Variants in EIF3B observed in about 807,000 individuals in gnomAD.
The protein encoded by EIF3B is eukaryotic translation initiation factor 3 subunit B.
Under a neutral mutation model 104.6 loss-of-function variants are expected in EIF3B, and 10 were observed. The observed-to-expected ratio is 0.10, with a 90% CI of 0.06 to 0.16. The LOEUF (loss-of-function observed/expected upper bound fraction) is 0.16, where lower values mean the gene tolerates loss of function less well. Among genes scored for constraint, EIF3B ranks in the 10% least tolerant of loss-of-function variants. The pLI is 1.00. For synonymous variants in EIF3B, 542 were observed against 417.2 expected, an observed-to-expected ratio of 1.30 and a Z score of -3.65; for missense variants, 1,014 against 1,087.9, an observed-to-expected ratio of 0.93 and a Z score of 0.96.
At chr7:2,370,847 G>A (rs4721651) in intron 10 of EIF3B, among the ~76,000 whole-genome samples, 46,651 of 152,002 alleles carry the variant, frequency 0.31, 8,907 homozygotes, top group African/African-American at 0.55. Flanking sequence ...AGGCTGAGGC[G>A]GGGCATCACA....
Position 2,380,213 on chromosome 7 carries a change from T to A in EIF3B, c.*24T>A. On this transcript the variant is annotated 3_prime_UTR_variant, in exon 19 of 19. Coordinates refer to ENST00000360876, the MANE Select transcript of EIF3B (RefSeq NM_001037283.2). ...ATGCCTGTCTATCCAGGGGACGGACTCCGCCTGCTGTTCCCGCGCTGAGCT... is the reference window on the plus strand; with the variant it reads ...ATGCCTGTCTATCCAGGGGACGGACACCGCCTGCTGTTCCCGCGCTGAGCT... 1 of 388,254 alleles carries A rather than the reference T, an allele frequency of 2.6e-6. No homozygotes were observed. The highest frequency in any genetic ancestry group is 5.2e-6 in the Non-Finnish European group (1 of 193,400). The allele number at this position is 388,254 out of a possible 1,614,324, so 24.1% of individuals were successfully genotyped here.
At position 2,367,120 on chromosome 7, in the gene EIF3B, C is replaced by G. The variant is rs1214797335; in HGVS notation, c.1403+75C>G. 4.3e-6 allele frequency: 4 copies of G among 922,888 alleles called. No individual in the cohort carries two copies. The African/African-American group carries it at 7.4e-5, about 17-fold the overall frequency. The allele number at this position is 922,888 out of a possible 1,614,324, so 57.2% of individuals were successfully genotyped here. ...ACAATACCAAAAAAAAAAAAAAAAA[C>G]ACAATACCATAGGCTGGGTGGCTTA... is the stretch of plus-strand genomic sequence containing the variant. On this transcript the variant is annotated intron_variant, in intron 9 of 18. Coordinates refer to ENST00000360876, the MANE Select transcript of EIF3B (RefSeq NM_001037283.2).
At position 2,355,376 on chromosome 7, in the gene EIF3B, C is replaced by T. The variant is rs1189348544; in HGVS notation, c.455C>T (p.Ser152Phe). ...ALENGDADEP[S>F]FSDPEDFVDD... Reference sequence around the variant, plus strand: ...GAGAACGGCGACGCGGACGAGCCCTCCTTCAGCGACCCCGAGGACTTCGTG... The same window carrying T: ...GAGAACGGCGACGCGGACGAGCCCTTCTTCAGCGACCCCGAGGACTTCGTG... Residue 152 changes from serine to phenylalanine, a missense_variant, in exon 1 of 19, where the codon TCC (serine) becomes TTC (phenylalanine). Ser to Phe is a radical substitution (Grantham distance 155, BLOSUM62 -2). This residue lies in a region of EIF3B where 488 missense variants were observed against 404.3 expected (regional missense o/e 1.21). Transcript: ENST00000360876. 7 of 1,531,170 alleles carry T rather than the reference C, an allele frequency of 4.6e-6. No individual in the cohort carries two copies. The African/African-American group carries it at 5.5e-5, about 12-fold the overall frequency. 94.8% of individuals were successfully genotyped at this position (1,531,170 alleles called of 1,614,324 possible). A position where few individuals can be genotyped will look rare whatever the true frequency, so the allele number is the denominator to read the frequency against.
intron 15 of EIF3B, among the ~76,000 whole-genome samples, chr7:2,377,565 G>T (rs374336192): frequency 0.033 from 1,468 of 45,114 alleles, 20 homozygotes; most frequent in African/African-American, 0.1. Flanking sequence ...CTCCTGGGAT[G>T]CTGTGTTCTG....
At chr7:2,372,338 G>T in intron 11 of EIF3B, 1 of 267,324 alleles carries the variant, frequency 3.7e-6, no homozygotes, top group Non-Finnish European at 7.1e-6. Flanking sequence ...CAGGGAGACC[G>T]GAGGTCAGGA....
intron 1 of EIF3B, among the ~76,000 whole-genome samples, chr7:2,356,443 T>TA (rs894719899): frequency 5.3e-5 from 8 of 150,120 alleles, no homozygotes; most frequent in African/African-American, 7.3e-5. Context: ...CTACTAAAAA[T>TA]AAAAAAAAAT....
At chr7:2,371,282 C>T (rs1225212992) in intron 10 of EIF3B, among the ~76,000 whole-genome samples, 1 of 152,238 alleles carries the variant, frequency 6.6e-6, no homozygotes, top group African/African-American at 2.4e-5. Flanking sequence ...CAGCAGTAAT[C>T]TCTTGTTGGG....
chr7:2,365,401 G>T (rs544286336), intron 6 of EIF3B, among the ~76,000 whole-genome samples: 3 of 152,244 alleles, frequency 2.0e-5, no homozygotes, highest in African/African-American at 4.8e-5. Flanking sequence ...CCACTCTAGG[G>T]AAAGGGGCAG....
chr7:2,366,156 C>T (rs1256278788), intron 6 of EIF3B, among the ~76,000 whole-genome samples, 161 bp from the exon 7 acceptor site: 1 of 152,098 alleles, frequency 6.6e-6, no homozygotes, highest in Non-Finnish European at 1.5e-5. Flanking sequence ...GAACAAGCGC[C>T]GCTGCTTCCC....
rs947670377 is a variant in EIF3B at position 2,366,303 on chromosome 7, C to T, written c.1158-14C>T. On this transcript the variant is annotated splice_polypyrimidine_tract_variant and intron_variant, in intron 6 of 18. Transcript: ENST00000360876. ...GAGAGGAGGATAGTGTACAGTGTTG[C>T]CCTTCTCTTCTAGGTACCTGGTGAC... 3 of 1,593,312 alleles carry T rather than the reference C, an allele frequency of 1.9e-6. No homozygotes were observed. The African/African-American group carries it at 4.0e-5, about 21-fold the overall frequency.
At position 2,355,123 on chromosome 7, in the gene EIF3B, A is replaced by G. The variant is rs1339883612; in HGVS notation, c.202A>G (p.Thr68Ala). 3.6e-6 allele frequency: 5 copies of G among 1,400,460 alleles called. No individual in the cohort carries two copies. The South Asian group carries it at 7.6e-5, about 21-fold the overall frequency. 86.8% of individuals were successfully genotyped at this position (1,400,460 alleles called of 1,614,324 possible). A position where few individuals can be genotyped will look rare whatever the true frequency, so the allele number is the denominator to read the frequency against. ...AEAGPESEVR[T>A]EPAAEAEAAS... ...GGCCGGGCCGGAGTCCGAGGTGAGG[A>G]CCGAGCCGGCGGCCGAGGCAGAGGC... The change falls in exon 1 of 19, where the codon ACC (threonine) becomes GCC (alanine). Residue 68 changes from threonine (T) to alanine (A), a missense_variant. Transcript: ENST00000360876.
intron 5 of EIF3B, among the ~76,000 whole-genome samples, chr7:2,364,088 C>T (rs1453083347): frequency 3.3e-5 from 5 of 152,134 alleles, no homozygotes; most frequent in Admixed American, 6.6e-5. Context: ...GGTGAAACCC[C>T]GTCTCTACTA....
rs115692487 is a variant in EIF3B, at chr7:2,376,811, G to T, written c.2029-139G>T. Reference sequence around the variant, plus strand: ...CTTGCATTGACTGCCCACCTACCCTGCTGTCAGCTCAGCACAGGCAGAGCT... The same window carrying T: ...CTTGCATTGACTGCCCACCTACCCTTCTGTCAGCTCAGCACAGGCAGAGCT... On this transcript the variant is annotated intron_variant, in intron 14 of 18. Coordinates refer to ENST00000360876, the MANE Select transcript of EIF3B (RefSeq NM_001037283.2). The T allele has an allele frequency of 6.7e-4, 861 of 1,284,036 alleles. 2 individuals are homozygous for T. The African/African-American group carries it at 0.011, about 17-fold the overall frequency. The allele number at this position is 1,284,036 out of a possible 1,614,324, so 79.5% of individuals were successfully genotyped here.
At chr7:2,355,475 C>A (rs953091622) in intron 1 of EIF3B, 55 bp downstream of exon 1, 10 of 1,398,454 alleles carry the variant, frequency 7.2e-6, no homozygotes, top group Non-Finnish European at 9.3e-6. Flanking sequence ...GCTGGGGTTC[C>A]CGAGGTGGGA....
chr7:2,371,857 G>T lies in EIF3B; in HGVS notation c.1687+8G>T, dbSNP rs555175310. ...ATGTGGTCGAGATGAAAGGCAAGTTGTATTTTAGTCACTTTGAGGCGAATG... is the reference window on the plus strand; with the variant it reads ...ATGTGGTCGAGATGAAAGGCAAGTTTTATTTTAGTCACTTTGAGGCGAATG... On this transcript the variant is annotated splice_region_variant and intron_variant, in intron 11 of 18. Transcript: ENST00000360876. The T allele has an allele frequency of 6.2e-6, 10 of 1,612,662 alleles. No homozygotes were observed. Among genetic ancestry groups the T allele is most frequent in the Admixed American group, 5.0e-5 (3 of 59,994 alleles).
chr7:2,369,346 G>A, intron 9 of EIF3B, 126 bp from the exon 10 acceptor site: 1 of 997,624 alleles, frequency 1.0e-6, no homozygotes, highest in Non-Finnish European at 1.5e-6. Context: ...TGCAGAGGGA[G>A]CGCTCAGCGT....
chr7:2,362,369 C>A (rs1050947950), intron 2 of EIF3B, among the ~76,000 whole-genome samples: 1 of 152,146 alleles, frequency 6.6e-6, no homozygotes, highest in Non-Finnish European at 1.5e-5. Flanking sequence ...ACGAAACCAT[C>A]GCCACAGTCA....
chr7:2,366,494 G>C, intron 7 of EIF3B, 31 bp from the exon 8 acceptor site: 1 of 1,614,080 alleles, frequency 6.2e-7, no homozygotes. Context: ...GTCTTTTCAT[G>C]GGAATACCCT....
intron 8 of EIF3B, 86 bp downstream of exon 8, chr7:2,366,677 A>G: frequency 6.8e-7 from 1 of 1,473,686 alleles, no homozygotes; most frequent in Middle Eastern, 2.0e-4. Context: ...GTGCTAGAAG[A>G]GGAGGAGGAG....
Sources: allele counts gnomAD v4.1 joint callset (sites outside exome capture counted in the v4.1 genomes callset), GRCh38; gene constraint gnomAD v4.1.1; regional missense constraint gnomAD v4.1.1; transcripts MANE v1.5; gene names NCBI Gene and HGNC (gene_info 2026-07-23, HGNC 2026-07-21).